Variants in SLC39A11 observed in about 807,000 individuals in gnomAD.
SLC39A11 encodes the protein solute carrier family 39 member 11, also known as zinc transporter ZIP11.
SLC39A11 carries 33 observed loss-of-function variants against 36.1 expected under a neutral mutation model. The observed-to-expected ratio is 0.91, with a 90% CI of 0.69 to 1.22. SLC39A11 has a LOEUF of 1.22. SLC39A11 is among the 50% of genes most tolerant of loss of function. The probability of loss-of-function intolerance (pLI) is 0.00; values close to 1 mark genes in which losing one functional copy is unlikely to be tolerated. For synonymous variants in SLC39A11, 166 were observed against 170.3 expected (o/e 0.97, Z 0.20); for missense variants, 432 against 430.3 (o/e 1.00, Z -0.03).
chr17:72,877,891 C>T (rs2080995561), intron 5 of SLC39A11, among the ~76,000 whole-genome samples: 3 of 151,728 alleles, frequency 2.0e-5, no homozygotes, highest in African/African-American at 4.8e-5. Context: ...CATACGTATA[C>T]ATGTGCCATG....
At chr17:72,850,292 T>C (rs1368049302) in intron 5 of SLC39A11, among the ~76,000 whole-genome samples, 3 of 150,408 alleles carry the variant, frequency 2.0e-5, no homozygotes, top group Non-Finnish European at 4.4e-5. Context: ...CTACAAAAAA[T>C]AAAAATAAAG....
intron 6 of SLC39A11, among the ~76,000 whole-genome samples, chr17:72,791,723 C>A (rs959756156): frequency 1.3e-5 from 2 of 152,066 alleles, no homozygotes; most frequent in Admixed American, 1.3e-4. Context: ...TGGAGACAGT[C>A]CCCCCATGCT....
In SLC39A11 at chr17:72,743,587, G is replaced by C. The variant is rs182381485; in HGVS notation, c.602-6868C>G. On this transcript the variant is annotated intron_variant, in intron 6 of 9. Coordinates refer to ENST00000255559, the MANE Select transcript of SLC39A11 (RefSeq NM_139177.4). The stretch of plus-strand genomic sequence containing the variant: ...GCGAAACAGGAAGAAGAGGTCCTGG[G>C]GGAAGACAATGTATCTGTTACCGTG... 6.4e-3 allele frequency among the ~76,000 whole-genome samples: 981 copies of C among 152,270 alleles called. 6 individuals carry two copies. The highest frequency in any genetic ancestry group is 0.014 in the Middle Eastern group (4 of 294).
At chr17:72,947,900 C>G (rs755178971) in intron 4 of SLC39A11, 25 bp from the exon 5 acceptor site, 2 of 1,611,310 alleles carry the variant, frequency 1.2e-6, no homozygotes, top group South Asian at 1.1e-5. Flanking sequence ...GGTAACATCA[C>G]TAGAGCACCA....
intron 5 of SLC39A11, among the ~76,000 whole-genome samples, chr17:72,882,066 C>T (rs1044199111): frequency 2.6e-5 from 4 of 152,092 alleles, no homozygotes; most frequent in East Asian, 1.9e-4. Flanking sequence ...GATGCTCTTT[C>T]GGCCGGGCCG....
At chr17:72,871,169 C>A (rs945562048) in intron 5 of SLC39A11, among the ~76,000 whole-genome samples, 1 of 149,956 alleles carries the variant, frequency 6.7e-6, no homozygotes, top group African/African-American at 2.5e-5. Context: ...TCAAGTGATT[C>A]TCCTGCCTCA....
chr17:72,930,674 G>A (rs1013186325), intron 5 of SLC39A11, among the ~76,000 whole-genome samples: 2 of 152,242 alleles, frequency 1.3e-5, no homozygotes, highest in African/African-American at 4.8e-5. Flanking sequence ...GCACTGAGAA[G>A]GGTGGCCTCA....
chr17:73,062,896 C>T (rs2059890483), intron 3 of SLC39A11, among the ~76,000 whole-genome samples: 1 of 152,138 alleles, frequency 6.6e-6, no homozygotes. Context: ...GCTGATCTGA[C>T]AGGAGGAGTT....
intron 7 of SLC39A11, among the ~76,000 whole-genome samples, chr17:72,661,692 G>C (rs557315314): frequency 1.3e-5 from 2 of 152,308 alleles, no homozygotes; most frequent in South Asian, 4.1e-4. Context: ...GGGCTGCCCG[G>C]CCCTACCTGC....
intron 3 of SLC39A11, among the ~76,000 whole-genome samples, chr17:73,079,120 G>A (rs942825136): frequency 2.0e-5 from 3 of 151,996 alleles, no homozygotes; most frequent in Non-Finnish European, 4.4e-5. Flanking sequence ...TTTTGATGAA[G>A]TCTCACTCTA....
chr17:72,872,440 T>C (rs1415549032), intron 5 of SLC39A11, among the ~76,000 whole-genome samples: 1 of 152,150 alleles, frequency 6.6e-6, no homozygotes, highest in Non-Finnish European at 1.5e-5. Context: ...ATTCTCAGAC[T>C]CAACTGGTCT....
rs7217488 is a variant in SLC39A11 at position 72,652,457 on chromosome 17, G to A, written c.672-3189C>T. Among the ~76,000 whole-genome samples the A allele has an allele frequency of 5.4e-3, 819 of 152,244 alleles. 6 individuals carry two copies. The highest frequency in any genetic ancestry group is 0.016 in the African/African-American group (682 of 41,548). ...ACAATACCCACCCTCACTTCACAGC[G>A]TTGCTGATATGATTACCTGGGATGG... On this transcript the variant is annotated intron_variant, in intron 7 of 9. Coordinates refer to ENST00000255559, the MANE Select transcript of SLC39A11 (RefSeq NM_139177.4).
intron 7 of SLC39A11, among the ~76,000 whole-genome samples, chr17:72,681,137 G>A (rs2071493142): frequency 6.6e-6 from 1 of 152,134 alleles, no homozygotes; most frequent in African/African-American, 2.4e-5. Flanking sequence ...ATGTTGACCA[G>A]GCTGGTCTTG....
At chr17:72,737,076 G>A (rs1254815979) in intron 6 of SLC39A11, among the ~76,000 whole-genome samples, 1 of 152,138 alleles carries the variant, frequency 6.6e-6, no homozygotes, top group Non-Finnish European at 1.5e-5. Flanking sequence ...AGGAGTTCGA[G>A]ACCAGCCTGG....
intron 6 of SLC39A11, among the ~76,000 whole-genome samples, chr17:72,809,225 C>CTCTCTCTCTCTT (rs1568127678): frequency 5.3e-5 from 8 of 150,922 alleles, no homozygotes; most frequent in African/African-American, 2.0e-4. Context: ...CTCTCTCTCT[C>CTCTCTCTCTCTT]TCTTTCTTTC....
chr17:72,738,162 G>A lies in SLC39A11; in HGVS notation c.602-1443C>T, dbSNP rs142573233. 1.7e-3 allele frequency among the ~76,000 whole-genome samples: 251 copies of A among 152,046 alleles called. 6 individuals are homozygous for A. The East Asian group carries it at 0.043, about 26-fold the overall frequency. On this transcript the variant is annotated intron_variant, in intron 6 of 9. Transcript: ENST00000255559. The stretch of plus-strand genomic sequence containing the variant: ...TGGGACTACAGGCGCCCGCTACCAC[G>A]CCCGTCTAATTTTTTGTATTTTTAG...
chr17:72,808,369 T>C (rs1222157307), intron 6 of SLC39A11, among the ~76,000 whole-genome samples: 1 of 152,246 alleles, frequency 6.6e-6, no homozygotes, highest in East Asian at 1.9e-4. Context: ...CCCTCGCTCA[T>C]TCTTAGGTGC....
rs368972782 is a variant in SLC39A11 at position 73,002,048 on chromosome 17, C to T, written c.306+29508G>A. Among the ~76,000 whole-genome samples, 7 of 152,148 alleles carry T rather than the reference C, an allele frequency of 4.6e-5. No homozygotes were observed. The East Asian group carries it at 1.4e-3, about 29-fold the overall frequency. The stretch of plus-strand genomic sequence containing the variant: ...AAGATGCTCTTAGGATATTCCAGGC[C>T]TTGAGCTAAGCATATCTGCACAGAT... On this transcript the variant is annotated intron_variant, in intron 4 of 9. Transcript: ENST00000255559.
chr17:72,895,755 T>G (rs2081997273), intron 5 of SLC39A11, among the ~76,000 whole-genome samples: 1 of 152,204 alleles, frequency 6.6e-6, no homozygotes, highest in Admixed American at 6.5e-5. Context: ...TATTTTCTAT[T>G]CTTTGAGTTC....
Sources: gnomAD v4.1 joint callset for allele counts (sites outside exome capture counted in the v4.1 genomes callset) on GRCh38, gnomAD v4.1.1 for gene constraint, MANE v1.5 for transcripts, NCBI Gene and HGNC (gene_info 2026-07-23, HGNC 2026-07-21) for gene names.